The following PHACTR1 variants were observed in gnomAD, a reference collection of about 807,000 sequenced individuals.
PHACTR1 encodes the protein RPEL repeat containing 1.
In PHACTR1, 16 loss-of-function variants were observed where a neutral mutation model predicts 69.2. The observed-to-expected ratio is 0.23, with a 90% CI of 0.16 to 0.35. PHACTR1 has a LOEUF of 0.35. Among genes scored for constraint, PHACTR1 ranks in the 10% least tolerant of loss-of-function variants. PHACTR1 has a pLI of 1.00. For synonymous variants in PHACTR1, 312 were observed against 284.5 expected, an observed-to-expected ratio of 1.10 and a Z score of -0.97; for missense variants, 510 against 734.7, an observed-to-expected ratio of 0.69 and a Z score of 3.54.
In PHACTR1 at chr6:12,997,956, G is replaced by GA. The variant is rs1269937012; in HGVS notation, c.251-55403dup. On this transcript the variant is annotated intron_variant, in intron 4 of 14. Coordinates refer to ENST00000332995, the MANE Select transcript of PHACTR1 (RefSeq NM_030948.6). The stretch of plus-strand genomic sequence containing the variant: ...CGACAGAGCCAGACTCCGTCTCAAA[G>GA]AAAAAACAAAAAAAATAAATATACA... Among the ~76,000 whole-genome samples the GA allele has an allele frequency of 3.3e-5, 5 of 151,004 alleles. No homozygotes were observed. The East Asian group carries it at 7.8e-4, about 23-fold the overall frequency.
intron 4 of PHACTR1, among the ~76,000 whole-genome samples, chr6:13,033,474 C>T (rs573613762): frequency 1.3e-5 from 2 of 152,162 alleles, no homozygotes; most frequent in South Asian, 2.1e-4. Context: ...TGGCCATGCT[C>T]TGTTAAAATG....
Position 13,169,737 on chromosome 6 carries a change from T to C in PHACTR1, c.496+9453T>C, listed in dbSNP as rs539140321. On this transcript the variant is annotated intron_variant, in intron 6 of 14. Coordinates refer to ENST00000332995, the MANE Select transcript of PHACTR1 (RefSeq NM_030948.6). ...TGCCCTTTTGATTACATTTATGCTATTATATAGATTCTTCAGTTACCTGTG... is the reference window on the plus strand; with the variant it reads ...TGCCCTTTTGATTACATTTATGCTACTATATAGATTCTTCAGTTACCTGTG... Among the ~76,000 whole-genome samples, 4 of 152,316 alleles carry C rather than the reference T, an allele frequency of 2.6e-5. No individual in the cohort carries two copies. The East Asian group carries it at 5.8e-4, about 22-fold the overall frequency.
chr6:13,255,792 G>T (rs1775105138), intron 10 of PHACTR1, among the ~76,000 whole-genome samples: 1 of 152,192 alleles, frequency 6.6e-6, no homozygotes, highest in South Asian at 2.1e-4. Context: ...TGCCTCTGTG[G>T]CTTTTCAGGG....
intron 4 of PHACTR1, among the ~76,000 whole-genome samples, chr6:13,001,345 T>C (rs1434377991): frequency 6.6e-6 from 1 of 152,150 alleles, no homozygotes; most frequent in Admixed American, 6.5e-5. Context: ...GAAAAATTAA[T>C]AAGTCTTGGC....
In PHACTR1 at chr6:13,179,407, T is replaced by C. The variant is rs1365553246; in HGVS notation, c.497-3112T>C. On this transcript the variant is annotated intron_variant, in intron 6 of 14. Coordinates refer to ENST00000332995, the MANE Select transcript of PHACTR1 (RefSeq NM_030948.6). The surrounding 1 kb of genome is among the most constrained non-coding windows in gnomAD (Gnocchi z 4.2). The stretch of plus-strand genomic sequence containing the variant: ...TACAGCCCATTACATTAATGTTTCG[T>C]GTGTGTGTGTGTGTGTGTGTGTGTG... Among the ~76,000 whole-genome samples, 1 of 52,722 alleles carries C rather than the reference T, an allele frequency of 1.9e-5. No homozygotes were observed. The highest frequency in any genetic ancestry group is 5.5e-5 in the Non-Finnish European group (1 of 18,320). The allele number at this position is 52,722 out of a possible 152,430, so 34.6% of individuals were successfully genotyped here.
At chr6:12,790,333 C>T (rs2127659895) in intron 4 of PHACTR1, among the ~76,000 whole-genome samples, 1 of 152,264 alleles carries the variant, frequency 6.6e-6, no homozygotes, top group South Asian at 2.1e-4. Flanking sequence ...TCCTTTTCTC[C>T]AGCACGTCAG....
chr6:12,805,600 T>C (rs1184244031), intron 4 of PHACTR1, among the ~76,000 whole-genome samples: 2 of 150,374 alleles, frequency 1.3e-5, no homozygotes, highest in Non-Finnish European at 3.0e-5. Context: ...TCTCTCTTTC[T>C]TTCTTTCTTT....
At chr6:12,780,357 T>C (rs1261744997) in intron 4 of PHACTR1, among the ~76,000 whole-genome samples, 3 of 151,892 alleles carry the variant, frequency 2.0e-5, no homozygotes, top group Non-Finnish European at 4.4e-5. Context: ...CAGACACAGC[T>C]TCATATAAAA....
intron 4 of PHACTR1, among the ~76,000 whole-genome samples, chr6:12,830,314 A>G (rs1269249608): frequency 6.8e-6 from 1 of 147,472 alleles, no homozygotes; most frequent in African/African-American, 2.5e-5. Flanking sequence ...TGCCCTTAAG[A>G]TAAGATTCAA....
intron 3 of PHACTR1, among the ~76,000 whole-genome samples, chr6:12,737,054 G>A (rs943341898): frequency 6.6e-6 from 1 of 151,572 alleles, no homozygotes; most frequent in African/African-American, 2.4e-5. Context: ...ACATTCACAG[G>A]TTTCTTAACA....
chr6:13,136,792 G>T (rs903097721), intron 5 of PHACTR1, among the ~76,000 whole-genome samples: 3 of 152,176 alleles, frequency 2.0e-5, no homozygotes, highest in African/African-American at 7.2e-5. Flanking sequence ...GAGAAAGATA[G>T]GAAATGGCAG....
chr6:13,100,538 A>G (rs375324330), intron 5 of PHACTR1, among the ~76,000 whole-genome samples: 60 of 152,262 alleles, frequency 3.9e-4, no homozygotes, highest in African/African-American at 1.4e-3. Flanking sequence ...TGCACGTTAT[A>G]TTTATTCAGT....
intron 4 of PHACTR1, among the ~76,000 whole-genome samples, chr6:12,762,244 T>G (rs2127612629): frequency 6.6e-6 from 1 of 152,290 alleles, no homozygotes; most frequent in South Asian, 2.1e-4. Context: ...GTTTTACAGT[T>G]TAGAATACCC....
chr6:12,955,841 G>T (rs1038870315), intron 4 of PHACTR1, among the ~76,000 whole-genome samples: 2 of 152,260 alleles, frequency 1.3e-5, no homozygotes, highest in Admixed American at 6.5e-5. Context: ...AAGAGTAGGA[G>T]ACCCGTCTTC....
intron 4 of PHACTR1, among the ~76,000 whole-genome samples, chr6:12,781,886 A>T (rs988085958): frequency 2.0e-5 from 3 of 152,238 alleles, no homozygotes; most frequent in African/African-American, 7.2e-5. Flanking sequence ...CCACACCATG[A>T]CACAGTGATG....
At chr6:12,798,083 C>G (rs529215155) in intron 4 of PHACTR1, among the ~76,000 whole-genome samples, 3 of 151,742 alleles carry the variant, frequency 2.0e-5, no homozygotes, top group South Asian at 2.1e-4. Flanking sequence ...TACATAAGCT[C>G]TATAAGGGGA....
At chr6:13,268,851 C>A (rs538584296) in intron 10 of PHACTR1, among the ~76,000 whole-genome samples, 2 of 152,178 alleles carry the variant, frequency 1.3e-5, no homozygotes, top group Non-Finnish European at 2.9e-5. Context: ...TGTTCTCAGT[C>A]GCTTTCCAGA....
At chr6:12,966,076 G>A (rs1272298745) in intron 4 of PHACTR1, among the ~76,000 whole-genome samples, 1 of 152,164 alleles carries the variant, frequency 6.6e-6, no homozygotes, top group African/African-American at 2.4e-5. Context: ...CTGCACAAGT[G>A]GAGGGCTACG....
chr6:13,070,651 T>C (rs1809365027), intron 5 of PHACTR1, among the ~76,000 whole-genome samples: 1 of 152,220 alleles, frequency 6.6e-6, no homozygotes, highest in Non-Finnish European at 1.5e-5. Flanking sequence ...GATGTATGCA[T>C]ATCTGGGTAG....
Sources: gnomAD v4.1 joint callset for allele counts (sites outside exome capture counted in the v4.1 genomes callset) on GRCh38, gnomAD v4.1.1 for gene constraint, Gnocchi (gnomAD v3.1) non-coding constraint, MANE v1.5 for transcripts, NCBI Gene and HGNC (gene_info 2026-07-23, HGNC 2026-07-21) for gene names.